Variants in SAMMSON observed in about 807,000 individuals in gnomAD.
SAMMSON encodes the protein long intergenic non-protein coding RNA 1212.
At chr3:70,425,471 G>C (rs572793859) in intron 2 of SAMMSON, among the ~76,000 whole-genome samples, 31 of 151,894 alleles carry the variant, frequency 2.0e-4, no homozygotes, top group Admixed American at 1.5e-3. Context: ...GAGTGCAGTG[G>C]CGTGATCTTG....
intron 4 of SAMMSON, among the ~76,000 whole-genome samples, chr3:70,112,701 A>G (rs1365719325): frequency 2.6e-5 from 4 of 152,328 alleles, no homozygotes; most frequent in African/African-American, 9.6e-5. Flanking sequence ...ATAAATTGAA[A>G]TATTTAAATA....
intron 1 of SAMMSON, among the ~76,000 whole-genome samples, chr3:70,005,741 G>A (rs548346946): frequency 2.6e-5 from 4 of 152,188 alleles, no homozygotes; most frequent in Non-Finnish European, 5.9e-5. Flanking sequence ...CCCTTAGCAC[G>A]TACTTGGTAT....
At chr3:70,427,185 G>A (rs1701376839) in intron 2 of SAMMSON, among the ~76,000 whole-genome samples, 1 of 152,158 alleles carries the variant, frequency 6.6e-6, no homozygotes, top group Non-Finnish European at 1.5e-5. Flanking sequence ...TTTCTATTAA[G>A]GTGACACAGC....
At chr3:70,369,571 A>G (rs1702949107) in intron 9 of SAMMSON, among the ~76,000 whole-genome samples, 2 of 151,438 alleles carry the variant, frequency 1.3e-5, no homozygotes, top group Admixed American at 6.6e-5. Context: ...ATGATGTTGA[A>G]TAAGAGGAAT....
intron 4 of SAMMSON, among the ~76,000 whole-genome samples, chr3:70,089,025 C>G (rs1391086713): frequency 6.6e-6 from 1 of 152,064 alleles, no homozygotes; most frequent in African/African-American, 2.4e-5. Flanking sequence ...TGCTCAGGGT[C>G]ACTGAGAGTC....
At chr3:70,195,181 C>T (rs1701163648) in intron 4 of SAMMSON, among the ~76,000 whole-genome samples, 1 of 152,158 alleles carries the variant, frequency 6.6e-6, no homozygotes, top group African/African-American at 2.4e-5. Flanking sequence ...TGCATAAGAA[C>T]AGCCTTATGT....
At chr3:70,116,195 T>C (rs2067410066) in intron 4 of SAMMSON, among the ~76,000 whole-genome samples, 2 of 151,960 alleles carry the variant, frequency 1.3e-5, no homozygotes. Context: ...ATCTAGCATT[T>C]ATCTGAGCAC....
intron 4 of SAMMSON, among the ~76,000 whole-genome samples, chr3:70,198,434 A>G (rs1701202690): frequency 6.6e-6 from 1 of 152,162 alleles, no homozygotes; most frequent in African/African-American, 2.4e-5. Flanking sequence ...CATTATTCAT[A>G]TAATAGTCTT....
chr3:70,265,928 C>A (rs1701913038), intron 6 of SAMMSON, among the ~76,000 whole-genome samples: 1 of 152,142 alleles, frequency 6.6e-6, no homozygotes, highest in African/African-American at 2.4e-5. Context: ...TATCCATGAT[C>A]CAGTTACCTC....
In SAMMSON at chr3:70,206,208, C is replaced by T. The variant is rs141168920; in HGVS notation, n.508-42899C>T. The stretch of plus-strand genomic sequence containing the variant: ...TTTCCGGCATTTTAATACTATTTCT[C>T]TCTGCCTTCTTTTCTCTGACTAGAG... On this transcript the variant is annotated intron_variant and non_coding_transcript_variant, in intron 4 of 9. Transcript: ENST00000642114. 3.4e-3 allele frequency among the ~76,000 whole-genome samples: 511 copies of T among 152,062 alleles called. 1 individual carries two copies. Among genetic ancestry groups the T allele is most frequent in the African/African-American group, 0.012 (487 of 41,510 alleles).
At chr3:70,215,152 C>T (rs2106732345) in intron 4 of SAMMSON, among the ~76,000 whole-genome samples, 1 of 152,198 alleles carries the variant, frequency 6.6e-6, no homozygotes, top group Middle Eastern at 3.4e-3. Context: ...TGTGCATTAT[C>T]ACATTTGAAG....
At chr3:70,327,834 A>C (rs1016260576) in intron 7 of SAMMSON, among the ~76,000 whole-genome samples, 36 of 152,234 alleles carry the variant, frequency 2.4e-4, no homozygotes, top group African/African-American at 8.0e-4. Context: ...ACACTGTCCC[A>C]GAAAAAAAGG....
At chr3:70,004,445 T>A (rs2107574387) in intron 1 of SAMMSON, among the ~76,000 whole-genome samples, 1 of 152,312 alleles carries the variant, frequency 6.6e-6, no homozygotes, top group Middle Eastern at 3.4e-3. Flanking sequence ...TTTATTATTC[T>A]GTAGGTGCAA....
intron 4 of SAMMSON, chr3:70,172,352 A>G (rs1700966014): frequency 6.7e-6 from 1 of 149,196 alleles, no homozygotes; most frequent in East Asian, 2.0e-4. Flanking sequence ...GAAAGAGTTT[A>G]TGGTCCCACC....
At chr3:70,124,965 C>A in intron 4 of SAMMSON, 1 of 590,352 alleles carries the variant, frequency 1.7e-6, no homozygotes, top group Non-Finnish European at 3.0e-6. Context: ...ACTTTCAAAG[C>A]TGTTATGCAC....
At chr3:70,105,311 G>A (rs1473759493) in intron 4 of SAMMSON, among the ~76,000 whole-genome samples, 2 of 152,086 alleles carry the variant, frequency 1.3e-5, no homozygotes, top group African/African-American at 4.8e-5. Flanking sequence ...TTTGTGTTGG[G>A]GGCATACCAC....
intron 4 of SAMMSON, among the ~76,000 whole-genome samples, chr3:70,110,758 C>T (rs995307755): frequency 6.6e-6 from 1 of 151,914 alleles, no homozygotes; most frequent in Non-Finnish European, 1.5e-5. Flanking sequence ...GAGATGAGGG[C>T]GGTGGTGAAA....
At chr3:70,231,919 A>G (rs538675397) in intron 4 of SAMMSON, among the ~76,000 whole-genome samples, 2 of 152,250 alleles carry the variant, frequency 1.3e-5, no homozygotes, top group African/African-American at 4.8e-5. Context: ...TCCAGAGCTG[A>G]TGCTACACCA....
intron 7 of SAMMSON, among the ~76,000 whole-genome samples, chr3:70,313,828 G>C (rs901490572): frequency 6.6e-6 from 1 of 152,076 alleles, no homozygotes; most frequent in African/African-American, 2.4e-5. Flanking sequence ...TTATTAATAA[G>C]ATAAATTTCA....
Sources: gnomAD v4.1 joint callset for allele counts (sites outside exome capture counted in the v4.1 genomes callset) on GRCh38, gnomAD v4.1.1 for gene constraint, MANE v1.5 for transcripts, NCBI Gene and HGNC (gene_info 2026-07-23, HGNC 2026-07-21) for gene names.